MORF4L1: variants seen among roughly 807,000 people sequenced by gnomAD.
MORF4L1 encodes mortality factor 4-like protein 1.
MORF4L1 carries 4 observed loss-of-function variants against 52.9 expected under a neutral mutation model. The ratio of observed to expected loss-of-function variants is 0.08; its 90% CI spans 0.04 to 0.17. The LOEUF is 0.17. MORF4L1 is among the 10% of genes least tolerant of loss of function. The pLI is 1.00. For missense variants in MORF4L1, 214 were observed against 390.4 expected, an observed-to-expected ratio of 0.55 and a Z score of 3.81; for synonymous variants, 123 against 134.8, an observed-to-expected ratio of 0.91 and a Z score of 0.61.
At position 78,878,809 on chromosome 15, in the gene MORF4L1, TTCAG is replaced by T. The variant is rs2056544146; in HGVS notation, c.87+552_87+555del. Among the ~76,000 whole-genome samples the T allele has an allele frequency of 3.3e-5, 5 of 152,302 alleles. No individual in the cohort carries two copies. The South Asian group carries it at 1.0e-3, about 32-fold the overall frequency. On this transcript the variant is annotated intron_variant, in intron 2 of 11. Coordinates refer to ENST00000426013, the MANE Select transcript of MORF4L1 (RefSeq NM_006791.4). ...AATGCATTCCAAAGTAAAAAAAAGT[TTCAG>T]TATTTTGTTTCTGATAACTTTTTTA...
At chr15:78,878,497 G>A (rs944298091) in intron 2 of MORF4L1, among the ~76,000 whole-genome samples, 18 of 152,176 alleles carry the variant, frequency 1.2e-4, no homozygotes, top group African/African-American at 4.1e-4. Context: ...TAGCATTTGA[G>A]GGGAATGTTA....
At chr15:78,885,054 C>G in intron 3 of MORF4L1, 1 of 1,613,932 alleles carries the variant, frequency 6.2e-7, no homozygotes, top group Non-Finnish European at 8.5e-7. Flanking sequence ...AAGGAGCTCC[C>G]TCAGTACACC....
intron 3 of MORF4L1, among the ~76,000 whole-genome samples, chr15:78,884,473 GTACTAAAAA>G (rs1401615661): frequency 6.6e-6 from 1 of 151,352 alleles, no homozygotes; most frequent in Non-Finnish European, 1.5e-5. Flanking sequence ...AACCCTGTCT[GTACTAAAAA>G]TACAAAATTA....
chr15:78,884,670 C>A (rs1019306225), intron 3 of MORF4L1, among the ~76,000 whole-genome samples: 8 of 64,514 alleles, frequency 1.2e-4, no homozygotes, highest in East Asian at 9.0e-4. Flanking sequence ...TACACACACA[C>A]ACACACACAC....
intron 11 of MORF4L1, among the ~76,000 whole-genome samples, chr15:78,895,882 C>A (rs952389468): frequency 6.6e-6 from 1 of 152,034 alleles, no homozygotes; most frequent in African/African-American, 2.4e-5. Flanking sequence ...ATCATCTTTT[C>A]TTTACTAATG....
chr15:78,888,420 G>A (rs1424912669), intron 5 of MORF4L1, among the ~76,000 whole-genome samples: 3 of 151,708 alleles, frequency 2.0e-5, no homozygotes, highest in Non-Finnish European at 4.4e-5. Flanking sequence ...TTTAGTCTTG[G>A]CGACTGAGTG....
rs1439811135 is a variant in MORF4L1 at position 78,898,067 on chromosome 15, A to C, written c.*1000A>C. ...TATAATTGTTTACTTTTGTGGGTTT[A>C]CTCTAGAAACATGAGCCAAAAATGT... On this transcript the variant is annotated 3_prime_UTR_variant, in exon 12 of 12. Transcript: ENST00000426013. The C allele has an allele frequency of 6.6e-6, 1 of 152,102 alleles. No homozygotes were observed. Among genetic ancestry groups the C allele is most frequent in the African/African-American group, 2.4e-5 (1 of 41,396 alleles). The allele number at this position is 152,102 out of a possible 1,614,324, so 9.4% of individuals were successfully genotyped here. A position where few individuals can be genotyped will look rare whatever the true frequency, so the allele number is the denominator to read the frequency against.
chr15:78,875,201 C>A (rs1480713122), intron 1 of MORF4L1, among the ~76,000 whole-genome samples: 1 of 152,108 alleles, frequency 6.6e-6, no homozygotes, highest in African/African-American at 2.4e-5. Flanking sequence ...ATCAGACTGT[C>A]AAGGCACAAA....
chr15:78,887,785 T>C (rs530749517), intron 5 of MORF4L1, among the ~76,000 whole-genome samples: 1 of 152,282 alleles, frequency 6.6e-6, no homozygotes, highest in Admixed American at 6.5e-5. Context: ...AGAAAACCAT[T>C]GCTTTTTTTT....
intron 3 of MORF4L1, among the ~76,000 whole-genome samples, chr15:78,884,429 T>C (rs2056658925): frequency 1.3e-5 from 2 of 151,790 alleles, no homozygotes; most frequent in African/African-American, 4.8e-5. Flanking sequence ...CACCTGAGGC[T>C]AGGAGTTCGA....
chr15:78,891,474 A>T lies in MORF4L1; in HGVS notation c.350-10A>T. On this transcript the variant is annotated splice_polypyrimidine_tract_variant and intron_variant, in intron 6 of 11. Transcript: ENST00000426013. ...AGCTAAATGAGACCCCTCCCCGCCAACATTTACAGCACCTGGAAATGGAGA... is the reference window on the plus strand; with the variant it reads ...AGCTAAATGAGACCCCTCCCCGCCATCATTTACAGCACCTGGAAATGGAGA... 1 of 1,611,794 alleles carries T rather than the reference A, an allele frequency of 6.2e-7. No homozygotes were observed. Among genetic ancestry groups the T allele is most frequent in the South Asian group, 1.1e-5 (1 of 90,980 alleles).
chr15:78,882,807 G>A (rs1047833296), intron 3 of MORF4L1, among the ~76,000 whole-genome samples: 3 of 89,756 alleles, frequency 3.3e-5, no homozygotes, highest in Non-Finnish European at 4.3e-5. Flanking sequence ...CCAGTATGGT[G>A]GTGCCTATAG....
At position 78,878,637 on chromosome 15, in the gene MORF4L1, G is replaced by C. The variant is rs556267669; in HGVS notation, c.87+378G>C. Among the ~76,000 whole-genome samples the C allele has an allele frequency of 3.0e-3, 461 of 152,232 alleles. 1 individual carries two copies. The highest frequency in any genetic ancestry group is 0.017 in the Middle Eastern group (5 of 294). ...ATTGAGCTAATTATATTAGGTTAAA[G>C]GTAAAAGCCAATATTAAAAATAAGT... On this transcript the variant is annotated intron_variant, in intron 2 of 11. Transcript: ENST00000426013.
At chr15:78,873,371 G>C (rs1378774703) in intron 1 of MORF4L1, among the ~76,000 whole-genome samples, 1 of 151,966 alleles carries the variant, frequency 6.6e-6, no homozygotes, top group East Asian at 1.9e-4. Context: ...TTGTAGGGAG[G>C]CGACGGGAGC....
intron 2 of MORF4L1, among the ~76,000 whole-genome samples, chr15:78,879,097 G>A (rs8028433): frequency 0.029 from 4,343 of 151,828 alleles, 239 homozygotes; most frequent in African/African-American, 0.1. Flanking sequence ...AGAGCCAAAC[G>A]CGGTGGCACA....
In MORF4L1 at chr15:78,897,221, G is replaced by GTAA. The variant is rs1183262330; in HGVS notation, c.*157_*159dup. The GTAA allele has an allele frequency of 4.6e-5, 25 of 544,772 alleles. No homozygotes were observed. The highest frequency in any genetic ancestry group is 7.5e-5 in the Non-Finnish European group (23 of 306,754). 33.7% of individuals were successfully genotyped at this position (544,772 alleles called of 1,614,324 possible). Reference sequence around the variant, plus strand: ...TTAAACAGAGAAAAAATAAAAGGGGGTAATAGCTCCTTTTTTCTTCTTTCT... The same window carrying GTAA: ...TTAAACAGAGAAAAAATAAAAGGGGGTAATAATAGCTCCTTTTTTCTTCTTTCT... On this transcript the variant is annotated 3_prime_UTR_variant, in exon 12 of 12. Transcript: ENST00000426013.
chr15:78,881,189 CTTTTTTTTTT>C (rs570514618), intron 3 of MORF4L1, among the ~76,000 whole-genome samples: 1 of 67,178 alleles, frequency 1.5e-5, no homozygotes, highest in Non-Finnish European at 2.6e-5. Context: ...AGAGTTAAGC[CTTTTTTTTTT>C]TTTTTTTTTG....
intron 7 of MORF4L1, among the ~76,000 whole-genome samples, chr15:78,891,980 T>C (rs2141482035): frequency 6.6e-6 from 1 of 152,354 alleles, no homozygotes; most frequent in South Asian, 2.1e-4. Flanking sequence ...TGAAGAATTT[T>C]TACCTTTACA....
chr15:78,895,580 A>G lies in MORF4L1; in HGVS notation c.887+676A>G, dbSNP rs562490478. On this transcript the variant is annotated intron_variant, in intron 11 of 11. Coordinates refer to ENST00000426013, the MANE Select transcript of MORF4L1 (RefSeq NM_006791.4). ...TATTAAAAGGGTGAGGTCACTCTAA[A>G]CATACTGATAAAGATGTCCATGTTT... 5.3e-5 allele frequency among the ~76,000 whole-genome samples: 8 copies of G among 152,328 alleles called. No individual in the cohort carries two copies. The South Asian group carries it at 1.7e-3, about 32-fold the overall frequency.
Sources: gnomAD v4.1 joint callset for allele counts (sites outside exome capture counted in the v4.1 genomes callset) on GRCh38, gnomAD v4.1.1 for gene constraint, MANE v1.5 for transcripts, NCBI Gene and HGNC (gene_info 2026-07-23, HGNC 2026-07-21) for gene names.